The following TP53I11 variants were observed in gnomAD, a reference collection of about 807,000 sequenced individuals.
TP53I11 encodes tumor protein p53 inducible protein 11.
TP53I11 carries 9 observed loss-of-function variants against 23.3 expected under a neutral mutation model. The observed-to-expected ratio is 0.39, with a 90% confidence interval of 0.23 to 0.67. TP53I11 has a LOEUF of 0.67. Ranked by LOEUF, TP53I11 falls within the 30% of genes least tolerant of loss-of-function variation. TP53I11 has a pLI of 0.48. For missense variants in TP53I11, 170 were observed against 255.2 expected (o/e 0.67, Z 2.27); for synonymous variants, 100 against 106.1 (o/e 0.94, Z 0.35).
At position 44,939,854 on chromosome 11, in the gene TP53I11, C is replaced by T. The variant is rs555533011; in HGVS notation, c.-31-1488G>A. Among the ~76,000 whole-genome samples the T allele has an allele frequency of 2.6e-5, 4 of 152,364 alleles. No homozygotes were observed. In the East Asian group the frequency reaches 7.7e-4, roughly 29 times the overall value. On this transcript the variant is annotated intron_variant, in intron 1 of 6. Coordinates refer to ENST00000525680, the MANE Select transcript of TP53I11 (RefSeq NM_006034.5). ...CATCCACAAAAAGGAGTGGATACGC[C>T]TTTCTCCTCCCCACACACAGGCCCC...
intron 1 of TP53I11, among the ~76,000 whole-genome samples, chr11:44,942,026 C>CACACGACACAAACCACCA (rs1565102035): frequency 2.0e-5 from 3 of 148,462 alleles, no homozygotes; most frequent in African/African-American, 7.5e-5. Context: ...CACACACACA[C>CACACGACACAAACCACCA]CACACACCAC....
At chr11:44,943,221 C>G (rs2683066) in intron 1 of TP53I11, 13,338 of 152,368 alleles carry the variant, frequency 0.088, 1,855 homozygotes, top group African/African-American at 0.3. Flanking sequence ...GTGCCCTGCC[C>G]AGGGAGGAGT....
Position 44,933,664 on chromosome 11 carries a change from C to T in TP53I11, c.*1220G>A, listed in dbSNP as rs117673513. 1.3e-3 allele frequency: 196 copies of T among 153,492 alleles called. 7 individuals carry two copies. The East Asian group carries it at 0.03, about 23-fold the overall frequency. 9.5% of individuals were successfully genotyped at this position (153,492 alleles called of 1,614,324 possible). On this transcript the variant is annotated 3_prime_UTR_variant, in exon 7 of 7. Transcript: ENST00000525680. ...CCTCAGAGGCAGGGCAGGGGCTGTTCGGCCCCAAGACAGCCAGTTGTCAGC... is the reference window on the plus strand; with the variant it reads ...CCTCAGAGGCAGGGCAGGGGCTGTTTGGCCCCAAGACAGCCAGTTGTCAGC...
At chr11:44,948,118 G>C (rs1862566439) in intron 1 of TP53I11, among the ~76,000 whole-genome samples, 1 of 152,182 alleles carries the variant, frequency 6.6e-6, no homozygotes, top group African/African-American at 2.4e-5. Context: ...GGTCCAGCCA[G>C]TGTAGCAGGA....
At chr11:44,941,420 G>GCCT (rs1861741773) in intron 1 of TP53I11, among the ~76,000 whole-genome samples, 1 of 152,168 alleles carries the variant, frequency 6.6e-6, no homozygotes, top group African/African-American at 2.4e-5. Context: ...AAGCCAGAAG[G>GCCT]CCTAATGGGT....
chr11:44,939,616 G>A (rs1861551335), intron 1 of TP53I11, among the ~76,000 whole-genome samples: 1 of 152,232 alleles, frequency 6.6e-6, no homozygotes, highest in Non-Finnish European at 1.5e-5. Context: ...GCCTCCTGGT[G>A]TCTTAAAATA....
chr11:44,936,604 A>C lies in TP53I11; in HGVS notation c.334+199T>G. ...TGGTGGCGACTGCAAGCTCCAACCC[A>C]CTGGGTGTATTCCACCAATGGCCAC... On this transcript the variant is annotated intron_variant, in intron 5 of 6. Coordinates refer to ENST00000525680, the MANE Select transcript of TP53I11 (RefSeq NM_006034.5). This position sits in a 1 kb window ranked among gnomAD's most constrained non-coding sequence, Gnocchi z 4.4. 1 of 1,331,290 alleles carries C rather than the reference A, an allele frequency of 7.5e-7. No homozygotes were observed. 82.5% of individuals were successfully genotyped at this position (1,331,290 alleles called of 1,614,324 possible). A position where few individuals can be genotyped will look rare whatever the true frequency, so the allele number is the denominator to read the frequency against.
At chr11:44,937,987 C>A (rs975446613) in intron 2 of TP53I11, among the ~76,000 whole-genome samples, 3 of 152,170 alleles carry the variant, frequency 2.0e-5, no homozygotes, top group Non-Finnish European at 1.5e-5. Flanking sequence ...CTAGTGCCAA[C>A]AAGAAGATTT....
At chr11:44,946,049 G>A (rs938867259) in intron 1 of TP53I11, among the ~76,000 whole-genome samples, 3 of 152,200 alleles carry the variant, frequency 2.0e-5, no homozygotes, top group Admixed American at 6.5e-5. Flanking sequence ...TACTAGGCTC[G>A]TGCCTTTGGG....
chr11:44,949,903 A>AC (rs1862772306), intron 1 of TP53I11: 1 of 152,184 alleles, frequency 6.6e-6, no homozygotes, highest in Non-Finnish European at 1.5e-5. Flanking sequence ...CAGCCTGGGG[A>AC]CGGGGGACTC....
chr11:44,936,171 C>T lies in TP53I11; in HGVS notation c.335-509G>A, dbSNP rs1452068557. The stretch of plus-strand genomic sequence containing the variant: ...TAGCAGAAGACCACTGACTTGGCCT[C>T]TAGCAGGCCCCGCCCACCCAGTGTC... On this transcript the variant is annotated intron_variant, in intron 5 of 6. Transcript: ENST00000525680. The surrounding 1 kb of genome is among the most constrained non-coding windows in gnomAD (Gnocchi z 4.4). The T allele has an allele frequency of 2.0e-6, 2 of 996,708 alleles. No homozygotes were observed. Among genetic ancestry groups the T allele is most frequent in the Non-Finnish European group, 2.4e-6 (2 of 833,756 alleles). 61.7% of individuals were successfully genotyped at this position (996,708 alleles called of 1,614,324 possible).
rs1861114550 is a variant in TP53I11 at position 44,936,431 on chromosome 11, TA to T, written c.334+371del. 10 of 1,232,148 alleles carry T rather than the reference TA, an allele frequency of 8.1e-6. No individual in the cohort carries two copies. The highest frequency in any genetic ancestry group is 8.4e-5 in the South Asian group (2 of 23,820). 76.3% of individuals were successfully genotyped at this position (1,232,148 alleles called of 1,614,324 possible). On this transcript the variant is annotated intron_variant, in intron 5 of 6. Transcript: ENST00000525680. The surrounding 1 kb of genome is among the most constrained non-coding windows in gnomAD (Gnocchi z 4.4). The stretch of plus-strand genomic sequence containing the variant: ...AACAGAAGTGGCTCTGGGGATAAAA[TA>T]GGGGGGGTGCGAGGGGTTTTGCAGA...
chr11:44,938,344 C>A lies in TP53I11; in HGVS notation c.-9G>T. On this transcript the variant is annotated 5_prime_UTR_variant, in exon 2 of 7. Transcript: ENST00000525680. ...GGCTGCTTGGCCGCCATCTTCTCCT[C>A]CAGCCCGGCCTCTGCAGAAGGGCTG... The A allele has an allele frequency of 1.9e-6, 3 of 1,589,338 alleles. No individual in the cohort carries two copies. Among genetic ancestry groups the A allele is most frequent in the South Asian group, 1.1e-5 (1 of 87,448 alleles).
At chr11:44,945,574 C>T (rs1379306077) in intron 1 of TP53I11, among the ~76,000 whole-genome samples, 1 of 152,030 alleles carries the variant, frequency 6.6e-6, no homozygotes, top group Admixed American at 6.6e-5. Flanking sequence ...CCCTGGTGGT[C>T]GCCAGCATCT....
intron 5 of TP53I11, 26 bp from the exon 6 acceptor site, chr11:44,935,688 T>TTGAAAGGGGGGTG: frequency 2.4e-6 from 1 of 424,494 alleles, no homozygotes; most frequent in Admixed American, 3.3e-5. Context: ...AAAAGGGGGC[T>TTGAAAGGGGGGTG]GGGGGTGGGA....
Position 44,937,573 on chromosome 11 carries a change from C to A in TP53I11, c.170G>T (p.Arg57Leu). The stretch of plus-strand genomic sequence containing the variant: ...TGCTCACCTGAGCCCCAAAGGCTCC[C>A]GAATGGTAAACTTGATTTCATTGCC... The part of the protein sequence containing the change: ...VLGNEIKFTI[R>L]EPLGLRVWQF... Residue 57 changes from arginine (R) to leucine (L), a missense_variant, in exon 3 of 7, where the codon CGG becomes CTG. Coordinates refer to ENST00000525680, the MANE Select transcript of TP53I11 (RefSeq NM_006034.5). 1 of 1,613,770 alleles carries A rather than the reference C, an allele frequency of 6.2e-7. No individual in the cohort carries two copies. The highest frequency in any genetic ancestry group is 8.5e-7 in the Non-Finnish European group (1 of 1,179,932).
intron 2 of TP53I11, 52 bp downstream of exon 2, chr11:44,938,155 G>A: frequency 6.4e-7 from 1 of 1,569,196 alleles, no homozygotes; most frequent in Non-Finnish European, 8.6e-7. Context: ...CCTAATGGTG[G>A]GTCAGCCTGG....
At chr11:44,942,001 A>AAAC (rs1861807240) in intron 1 of TP53I11, among the ~76,000 whole-genome samples, 1 of 4,168 alleles carries the variant, frequency 2.4e-4, no homozygotes, top group African/African-American at 8.4e-4. Context: ...CCACATATAC[A>AAAC]CACCATACTC....
chr11:44,936,382 TAG>T lies in TP53I11; in HGVS notation c.334+419_334+420del, dbSNP rs1861110170. On this transcript the variant is annotated intron_variant, in intron 5 of 6. Transcript: ENST00000525680. The surrounding 1 kb of genome is among the most constrained non-coding windows in gnomAD (Gnocchi z 4.4). ...AAATCCTAACGTGTGCATCTCAGGTTAGAGAGGAAACAGAAGTGGTTCAAACA... is the reference window on the plus strand; with the variant it reads ...AAATCCTAACGTGTGCATCTCAGGTTAGAGGAAACAGAAGTGGTTCAAACA... The T allele has an allele frequency of 8.1e-7, 1 of 1,230,126 alleles. No homozygotes were observed. Among genetic ancestry groups the T allele is most frequent in the Non-Finnish European group, 1.0e-6 (1 of 987,720 alleles). The allele number at this position is 1,230,126 out of a possible 1,614,324, so 76.2% of individuals were successfully genotyped here.
Sources: allele counts gnomAD v4.1 joint callset (sites outside exome capture counted in the v4.1 genomes callset), GRCh38; gene constraint gnomAD v4.1.1; non-coding constraint Gnocchi (gnomAD v3.1); transcripts MANE v1.5; gene names NCBI Gene and HGNC (gene_info 2026-07-23, HGNC 2026-07-21).